The following GRIK2 variants were observed in gnomAD, a reference collection of about 807,000 sequenced individuals.
The protein encoded by GRIK2 is glutamate receptor ionotropic, kainate 2.
In GRIK2, 32 loss-of-function variants were observed where a neutral mutation model predicts 100.3. The observed-to-expected ratio is 0.32, with a 90% confidence interval of 0.24 to 0.43. The LOEUF (loss-of-function observed/expected upper bound fraction) is 0.43. GRIK2 is among the 20% of genes least tolerant of loss of function. The pLI is 1.00. For synonymous variants in GRIK2, 417 were observed against 389.4 expected (o/e 1.07, Z -0.83); for missense variants, 843 against 1,114.9 (o/e 0.76, Z 3.47).
intron 2 of GRIK2, among the ~76,000 whole-genome samples, chr6:101,509,385 T>A (rs576200912): frequency 1.3e-5 from 2 of 152,234 alleles, no homozygotes; most frequent in East Asian, 1.9e-4. Flanking sequence ...TCCTAGAACA[T>A]TGTGTGTGCT....
At chr6:101,824,012 C>G (rs1016800427) in intron 10 of GRIK2, among the ~76,000 whole-genome samples, 3 of 151,946 alleles carry the variant, frequency 2.0e-5, no homozygotes, top group African/African-American at 7.2e-5. Flanking sequence ...GGATTACAAG[C>G]ACTGCCACCA....
At position 101,546,274 on chromosome 6, in the gene GRIK2, G is replaced by A. The variant is rs141595477; in HGVS notation, c.116-75675G>A. On this transcript the variant is annotated intron_variant, in intron 2 of 16. Transcript: ENST00000369134. ...TTATCTCAAAAATGATTTCAGAAAA[G>A]GTGATAAATATTTCTGTCTTGGGAC... Among the ~76,000 whole-genome samples the A allele has an allele frequency of 1.4e-3, 215 of 152,210 alleles. 1 individual carries two copies. The highest frequency in any genetic ancestry group is 5.1e-3 in the African/African-American group (210 of 41,538).
At chr6:101,856,359 T>C (rs558421506) in intron 10 of GRIK2, among the ~76,000 whole-genome samples, 3 of 152,258 alleles carry the variant, frequency 2.0e-5, no homozygotes, top group Admixed American at 2.0e-4. Flanking sequence ...TTGGGACATG[T>C]TAAATGTGAG....
At chr6:101,730,195 A>AT (rs1417938474) in intron 7 of GRIK2, among the ~76,000 whole-genome samples, 1 of 151,976 alleles carries the variant, frequency 6.6e-6, no homozygotes, top group Non-Finnish European at 1.5e-5. Flanking sequence ...GCAGTAAATA[A>AT]TTTTCTGTAG....
At chr6:101,700,365 T>C (rs979913555) in intron 7 of GRIK2, among the ~76,000 whole-genome samples, 3 of 151,900 alleles carry the variant, frequency 2.0e-5, no homozygotes, top group African/African-American at 7.3e-5. Context: ...TCAAACTGAA[T>C]CTCAAGTATA....
chr6:101,792,180 T>C (rs1779919528), intron 7 of GRIK2, among the ~76,000 whole-genome samples: 1 of 151,598 alleles, frequency 6.6e-6, no homozygotes. Context: ...GTCTGTGTCT[T>C]TTAATTGGAG....
chr6:101,445,049 G>A (rs903380521), intron 2 of GRIK2, among the ~76,000 whole-genome samples: 3 of 151,806 alleles, frequency 2.0e-5, no homozygotes, highest in African/African-American at 4.8e-5. Flanking sequence ...TTCCTTTCCT[G>A]TTCAGGCTGC....
chr6:101,873,946 T>C (rs1785617951), intron 11 of GRIK2, among the ~76,000 whole-genome samples: 1 of 152,166 alleles, frequency 6.6e-6, no homozygotes, highest in Admixed American at 6.5e-5. Context: ...TGGGGTTGTT[T>C]GTTTTTTTCT....
chr6:101,653,536 G>C (rs1304660823), intron 4 of GRIK2, among the ~76,000 whole-genome samples: 1 of 152,032 alleles, frequency 6.6e-6, no homozygotes, highest in East Asian at 1.9e-4. Context: ...AGTTCCCTCT[G>C]CCTGAGTATT....
intron 7 of GRIK2, among the ~76,000 whole-genome samples, chr6:101,754,804 C>T (rs1219345663): frequency 2.0e-5 from 3 of 152,136 alleles, no homozygotes; most frequent in Non-Finnish European, 4.4e-5. Flanking sequence ...TGCAATGGCT[C>T]AGAGGTAAGA....
chr6:101,585,875 A>G (rs995099562), intron 2 of GRIK2, among the ~76,000 whole-genome samples: 1 of 152,140 alleles, frequency 6.6e-6, no homozygotes, highest in South Asian at 2.1e-4. Context: ...GAGCTGTACA[A>G]TCATGTGGTG....
At chr6:101,482,724 T>C (rs1004726506) in intron 2 of GRIK2, among the ~76,000 whole-genome samples, 1 of 151,784 alleles carries the variant, frequency 6.6e-6, no homozygotes, top group African/African-American at 2.4e-5. Flanking sequence ...GAGGCCTGAA[T>C]TGAGGTAGTG....
intron 10 of GRIK2, among the ~76,000 whole-genome samples, chr6:101,821,373 C>T (rs2518268): frequency 0.11 from 16,655 of 151,954 alleles, 1,928 homozygotes; most frequent in East Asian, 0.65. Context: ...TAAAACGTAC[C>T]CCATACCATT....
intron 2 of GRIK2, among the ~76,000 whole-genome samples, chr6:101,408,357 C>T (rs1250017900): frequency 6.6e-6 from 1 of 150,532 alleles, no homozygotes. Context: ...CACATACACA[C>T]ATGCAGCAGG....
At chr6:101,838,649 T>A (rs914266138) in intron 10 of GRIK2, among the ~76,000 whole-genome samples, 3 of 144,102 alleles carry the variant, frequency 2.1e-5, no homozygotes. Flanking sequence ...ACTCTATTAA[T>A]ACAACTTTTT....
intron 14 of GRIK2, among the ~76,000 whole-genome samples, chr6:101,958,392 T>C (rs923159677): frequency 6.6e-6 from 1 of 151,924 alleles, no homozygotes; most frequent in Non-Finnish European, 1.5e-5. Context: ...CTGTAACTTT[T>C]CTGAAGTTGT....
intron 7 of GRIK2, among the ~76,000 whole-genome samples, chr6:101,785,433 T>C (rs1417266288): frequency 6.6e-6 from 1 of 152,182 alleles, no homozygotes; most frequent in Non-Finnish European, 1.5e-5. Flanking sequence ...TTCCTTCTAG[T>C]AGTTTTATAC....
chr6:101,659,936 C>T (rs146167277), intron 4 of GRIK2, among the ~76,000 whole-genome samples: 1,821 of 152,084 alleles, frequency 0.012, 46 homozygotes, highest in African/African-American at 0.042. Flanking sequence ...GTGAATCTGA[C>T]GATTATGTGT....
chr6:101,713,878 T>C (rs1169703237), intron 7 of GRIK2, among the ~76,000 whole-genome samples: 2 of 151,708 alleles, frequency 1.3e-5, no homozygotes, highest in Non-Finnish European at 2.9e-5. Context: ...AATATGAAAA[T>C]GGGATAAAAG....
Sources: allele counts gnomAD v4.1 joint callset (sites outside exome capture counted in the v4.1 genomes callset), GRCh38; gene constraint gnomAD v4.1.1; transcripts MANE v1.5; gene names NCBI Gene and HGNC (gene_info 2026-07-23, HGNC 2026-07-21).